Variants in CD96 observed in about 807,000 individuals in gnomAD.
CD96 encodes the protein T-cell surface protein tactile.
A neutral mutation model predicts 71.3 loss-of-function variants in CD96; 70 were observed. That is an observed-to-expected ratio of 0.98 (90% CI 0.81 to 1.20). The LOEUF (loss-of-function observed/expected upper bound fraction) is 1.20. Ranked by LOEUF, CD96 falls within the 50% of genes most tolerant of loss-of-function variation. The pLI, the probability that CD96 is intolerant of heterozygous loss-of-function variation, is 0.00. For missense variants in CD96, 742 were observed against 677.5 expected, an observed-to-expected ratio of 1.10 and a Z score of -1.06; for synonymous variants, 248 against 233.0, an observed-to-expected ratio of 1.06 and a Z score of -0.59.
intron 8 of CD96, among the ~76,000 whole-genome samples, chr3:111,622,049 A>C (rs1165212224): frequency 1.3e-5 from 2 of 152,130 alleles, no homozygotes; most frequent in Non-Finnish European, 2.9e-5. Context: ...GGCAGAGGAG[A>C]AGAATTGTAG....
chr3:111,656,565 G>C (rs991733809), downstream of CD96, among the ~76,000 whole-genome samples: 1 of 152,050 alleles, frequency 6.6e-6, no homozygotes, highest in African/African-American at 2.4e-5. Flanking sequence ...AGATTATTTT[G>C]GTATCATTAT....
At chr3:111,652,841 TAG>T (rs1190799198), downstream of CD96, among the ~76,000 whole-genome samples, 1 of 152,000 alleles carries the variant, frequency 6.6e-6, no homozygotes, top group East Asian at 1.9e-4. Context: ...AGTAAATTCA[TAG>T]AGTCTGACTC....
intron 5 of CD96, among the ~76,000 whole-genome samples, chr3:111,588,407 T>G (rs1195389389): frequency 6.6e-6 from 1 of 152,236 alleles, no homozygotes; most frequent in Non-Finnish European, 1.5e-5. Flanking sequence ...ATATTACTAT[T>G]GGCATTTTTG....
chr3:111,553,446 T>A (rs1427907384), intron 2 of CD96, among the ~76,000 whole-genome samples: 2 of 149,290 alleles, frequency 1.3e-5, no homozygotes, highest in East Asian at 3.9e-4. Flanking sequence ...TTTTTTTTTT[T>A]TTTGGCAAGA....
At chr3:111,626,289 A>G (rs1452721764) in intron 10 of CD96, among the ~76,000 whole-genome samples, 1 of 133,192 alleles carries the variant, frequency 7.5e-6, no homozygotes, top group Non-Finnish European at 1.6e-5. Flanking sequence ...CCTGGGTGAC[A>G]GAGTAAGACT....
At chr3:111,593,724 C>A in intron 5 of CD96, 1 of 1,614,214 alleles carries the variant, frequency 6.2e-7, no homozygotes, top group Non-Finnish European at 8.5e-7. Context: ...CTCCTAAGCA[C>A]CTCCTTTTCC....
intron 5 of CD96, chr3:111,593,372 A>T: frequency 2.9e-6 from 2 of 696,410 alleles, no homozygotes; most frequent in Non-Finnish European, 4.2e-6. Context: ...GGAACCTCGT[A>T]GATAAGCATT....
intron 8 of CD96, among the ~76,000 whole-genome samples, chr3:111,621,180 T>G (rs893475955): frequency 6.6e-6 from 1 of 152,218 alleles, no homozygotes; most frequent in African/African-American, 2.4e-5. Context: ...TAGGTAGTGG[T>G]CATGTAGTTT....
intron 12 of CD96, among the ~76,000 whole-genome samples, chr3:111,639,597 G>A (rs902506286): frequency 1.1e-4 from 17 of 152,042 alleles, no homozygotes; most frequent in South Asian, 2.1e-4. Context: ...CTAAGGCCCC[G>A]CCCACCACCA....
intron 10 of CD96, among the ~76,000 whole-genome samples, chr3:111,630,425 C>T (rs933822444): frequency 6.6e-6 from 1 of 152,080 alleles, no homozygotes; most frequent in Non-Finnish European, 1.5e-5. Flanking sequence ...AGATAAGTTC[C>T]TGGGCATATA....
chr3:111,651,391 A>C lies in CD96; in HGVS notation c.*1585A>C, dbSNP rs1486476012. On this transcript the variant is annotated 3_prime_UTR_variant, in exon 14 of 14. Transcript: ENST00000352690. Reference sequence around the variant, plus strand: ...GGAAAAAATTTAAGGAGGTATTCACACTCAGGGTCATGCACTTGCACAATG... The same window carrying C: ...GGAAAAAATTTAAGGAGGTATTCACCCTCAGGGTCATGCACTTGCACAATG... 2 of 152,202 alleles carry C rather than the reference A, an allele frequency of 1.3e-5. No homozygotes were observed. Among genetic ancestry groups the C allele is most frequent in the Non-Finnish European group, 2.9e-5 (2 of 68,070 alleles). The allele number at this position is 152,202 out of a possible 1,614,324, so 9.4% of individuals were successfully genotyped here. A position where few individuals can be genotyped will look rare whatever the true frequency, so the allele number is the denominator to read the frequency against.
chr3:111,602,650 A>G (rs1937522578), intron 7 of CD96, among the ~76,000 whole-genome samples: 1 of 152,190 alleles, frequency 6.6e-6, no homozygotes, highest in African/African-American at 2.4e-5. Context: ...GCAAGCTCTT[A>G]AACACTTACT....
chr3:111,544,534 G>A (rs1315718371), intron 1 of CD96, among the ~76,000 whole-genome samples: 2 of 152,202 alleles, frequency 1.3e-5, no homozygotes, highest in African/African-American at 2.4e-5. Flanking sequence ...TATGGCGTGT[G>A]AGGGGGATTA....
intron 2 of CD96, among the ~76,000 whole-genome samples, chr3:111,562,429 A>G (rs896412261): frequency 1.9e-4 from 29 of 151,850 alleles, no homozygotes; most frequent in Non-Finnish European, 3.7e-4. Context: ...ATATGTTGCA[A>G]CTCTATATTA....
At chr3:111,594,066 T>C (rs1316036830) in intron 5 of CD96, 1 of 1,614,148 alleles carries the variant, frequency 6.2e-7, no homozygotes, top group South Asian at 1.1e-5. Flanking sequence ...TTGTGGGGCA[T>C]TGGAGTGGGC....
At chr3:111,582,592 T>C (rs1265999007) in intron 4 of CD96, among the ~76,000 whole-genome samples, 1 of 152,162 alleles carries the variant, frequency 6.6e-6, no homozygotes, top group African/African-American at 2.4e-5. Flanking sequence ...ATGCTGCTGA[T>C]AAAGACATAC....
intron 10 of CD96, among the ~76,000 whole-genome samples, chr3:111,628,570 C>A (rs545348393): frequency 6.6e-6 from 1 of 152,208 alleles, no homozygotes; most frequent in Admixed American, 6.5e-5. Context: ...CTGAAAGAGA[C>A]AAGAATGGAA....
downstream of CD96, among the ~76,000 whole-genome samples, chr3:111,655,832 T>A (rs1313237332): frequency 6.6e-6 from 1 of 151,772 alleles, no homozygotes; most frequent in Non-Finnish European, 1.5e-5. Flanking sequence ...TGCAAATCTA[T>A]CTACAGCTGT....
intron 5 of CD96, among the ~76,000 whole-genome samples, chr3:111,597,111 C>T (rs1937294085): frequency 6.6e-6 from 1 of 152,132 alleles, no homozygotes; most frequent in African/African-American, 2.4e-5. Flanking sequence ...TTTAATTGTT[C>T]TTTACATGTT....
Sources: gnomAD v4.1 joint callset for allele counts (sites outside exome capture counted in the v4.1 genomes callset) on GRCh38, gnomAD v4.1.1 for gene constraint, MANE v1.5 for transcripts, NCBI Gene and HGNC (gene_info 2026-07-23, HGNC 2026-07-21) for gene names.